Variants in ADGRE3 observed in about 807,000 individuals in gnomAD.
ADGRE3 encodes adhesion G protein-coupled receptor E3, also known as EGF-like module receptor 3.
A neutral mutation model predicts 80.1 loss-of-function variants in ADGRE3; 88 were observed. The ratio of observed to expected loss-of-function variants is 1.10; its 90% CI spans 0.93 to 1.31. The LOEUF is 1.31. ADGRE3 is among the 40% of genes most tolerant of loss of function. The pLI is 0.00. For synonymous variants in ADGRE3, 281 were observed against 294.8 expected (o/e 0.95, Z 0.48); for missense variants, 715 against 776.5 (o/e 0.92, Z 0.94).
At chr19:14,614,423 G>A (rs149738568), downstream of ADGRE3, among the ~76,000 whole-genome samples, 1 of 152,192 alleles carries the variant, frequency 6.6e-6, no homozygotes, top group African/African-American at 2.4e-5. Flanking sequence ...TATGAAAGAG[G>A]TCACTTTTTA....
In ADGRE3 at chr19:14,662,021, T is replaced by A. The variant is rs1214384388; in HGVS notation, c.297A>T (p.Gly99=). ...EGSFYCQCVP[G]YRLHSGNEQF... ...GTTCATTCCCAGAATGCAGTCTATA[T>A]CCTGGGACACATTGACAGTAGAAAC... Residue 99 remains glycine (G), a synonymous_variant, in exon 4 of 16, where the codon GGA becomes GGT. Coordinates refer to ENST00000253673, the MANE Select transcript of ADGRE3 (RefSeq NM_032571.5). 6.2e-7 allele frequency: 1 copy of A among 1,614,078 alleles called. No homozygotes were observed. Among genetic ancestry groups the A allele is most frequent in the African/African-American group, 1.3e-5 (1 of 74,948 alleles).
intron 15 of ADGRE3, among the ~76,000 whole-genome samples, chr19:14,619,846 G>A (rs75424221): frequency 0.099 from 15,093 of 152,140 alleles, 799 homozygotes; most frequent in African/African-American, 0.13. Flanking sequence ...CTCAACAAAT[G>A]TTCTCTTTGC....
intron 9 of ADGRE3, among the ~76,000 whole-genome samples, chr19:14,643,174 T>C (rs930333534): frequency 6.8e-6 from 1 of 146,012 alleles, no homozygotes; most frequent in Non-Finnish European, 1.5e-5. Flanking sequence ...TTAGACAGAG[T>C]CTCGCTCTGT....
At chr19:14,602,308 G>A in the ADGRE3 span, among the ~76,000 whole-genome samples, 4 of 151,726 alleles carry the variant, frequency 2.6e-5, no homozygotes, top group African/African-American at 9.7e-5. Context: ...TGTATTTTTG[G>A]AGACAGGGTC....
chr19:14,623,299 T>A (rs201478429), intron 15 of ADGRE3, among the ~76,000 whole-genome samples: 5,350 of 16,556 alleles, frequency 0.32, 1,795 homozygotes, highest in African/African-American at 0.53. Flanking sequence ...AAAAAAAAAA[T>A]AAAAAAAAAA....
At position 14,636,075 on chromosome 19, in the gene ADGRE3, C is replaced by CTTTCTTTCTTTCTTT. The variant is rs1267579172; in HGVS notation, c.1484+2029_1484+2030insAAAGAAAGAAAGAAA. Among the ~76,000 whole-genome samples the CTTTCTTTCTTTCTTT allele has an allele frequency of 3.4e-4, 24 of 70,660 alleles. 2 individuals carry two copies. The highest frequency in any genetic ancestry group is 1.1e-3 in the African/African-American group (19 of 17,738). The allele number at this position is 70,660 out of a possible 152,430, so 46.4% of individuals were successfully genotyped here. On this transcript the variant is annotated intron_variant, in intron 11 of 15. Coordinates refer to ENST00000253673, the MANE Select transcript of ADGRE3 (RefSeq NM_032571.5). ...TTCCTTCCTTCCTTTCCTTTCCTTT[C>CTTTCTTTCTTTCTTT]CTTTCCCTTTCTTTCTTTCTTTCTT...
At chr19:14,652,534 C>G (rs1001094096) in intron 6 of ADGRE3, among the ~76,000 whole-genome samples, 5 of 151,850 alleles carry the variant, frequency 3.3e-5, no homozygotes, top group African/African-American at 1.2e-4. Context: ...ATTCCCAGCA[C>G]TTTTGCAGGC....
chr19:14,652,713 G>T (rs575359186), intron 6 of ADGRE3, among the ~76,000 whole-genome samples: 1 of 150,180 alleles, frequency 6.7e-6, no homozygotes, highest in African/African-American at 2.4e-5. Context: ...AGGAGGCAGA[G>T]GTTGCAGTGA....
intron 11 of ADGRE3, among the ~76,000 whole-genome samples, chr19:14,636,640 C>T (rs934375194): frequency 3.9e-5 from 6 of 152,074 alleles, no homozygotes; most frequent in African/African-American, 1.2e-4. Flanking sequence ...GAAATGAAAA[C>T]AAGCCAAACT....
At chr19:14,634,933 C>T (rs553155646) in intron 11 of ADGRE3, among the ~76,000 whole-genome samples, 36 of 152,138 alleles carry the variant, frequency 2.4e-4, no homozygotes, top group African/African-American at 8.0e-4. Flanking sequence ...CTCTGATATA[C>T]GATCCAGACC....
chr19:14,660,444 T>G (rs754263675), intron 4 of ADGRE3, among the ~76,000 whole-genome samples: 1 of 151,892 alleles, frequency 6.6e-6, no homozygotes. Context: ...CTGGGCGACA[T>G]AGTGAGAACC....
In ADGRE3 at chr19:14,672,143, T is replaced by C. The variant is rs142747495; in HGVS notation, c.25+2603A>G. The stretch of plus-strand genomic sequence containing the variant: ...CCAACTGATAAACCATATGGCTGAA[T>C]AGTGTTACCCTGTTCCTAAAACTCA... On this transcript the variant is annotated intron_variant, in intron 1 of 15. Coordinates refer to ENST00000253673, the MANE Select transcript of ADGRE3 (RefSeq NM_032571.5). Among the ~76,000 whole-genome samples the C allele has an allele frequency of 8.3e-4, 127 of 152,306 alleles. 1 individual carries two copies. Among genetic ancestry groups the C allele is most frequent in the East Asian group, 5.0e-3 (26 of 5,186 alleles).
At chr19:14,674,363 G>A (rs1409185987) in intron 1 of ADGRE3, among the ~76,000 whole-genome samples, 4 of 152,042 alleles carry the variant, frequency 2.6e-5, no homozygotes, top group African/African-American at 7.2e-5. Context: ...CAGGTGTGGT[G>A]ATGTGTGCCT....
chr19:14,665,958 A>ATATATATATATATG (rs1972091106), intron 2 of ADGRE3, among the ~76,000 whole-genome samples: 1 of 123,754 alleles, frequency 8.1e-6, no homozygotes, highest in African/African-American at 2.8e-5. Flanking sequence ...ATATATATAT[A>ATATATATATATATG]TATATATATA....
Position 14,662,056 on chromosome 19 carries a change from C to T in ADGRE3, c.262G>A (p.Val88Ile), listed in dbSNP as rs745737541. Reference protein sequence around the residue: ...YCGFNAVCYNVEGSFYCQCVP... With the variant: ...YCGFNAVCYNIEGSFYCQCVP... ...CATTGACAGTAGAAACTTCCTTCGA[C>T]ATTGTAACACACAGCGTTAAATCCA... The change falls in exon 4 of 16, where the codon GTC becomes ATC. Residue 88 changes from valine (V) to isoleucine (I), a missense_variant. By Grantham distance (29) the Val-to-Ile change is conservative. Transcript: ENST00000253673. 6.2e-7 allele frequency: 1 copy of T among 1,614,092 alleles called. No homozygotes were observed. Among genetic ancestry groups the T allele is most frequent in the East Asian group, 2.2e-5 (1 of 44,882 alleles).
Position 14,619,235 on chromosome 19 carries a change from A to G in ADGRE3, c.*198T>C, listed in dbSNP as rs1307713958. ...GGGACAAGCATTGACTGAATACACC[A>G]TAGTGAAGAGAAATGCAATTTACCA... On this transcript the variant is annotated 3_prime_UTR_variant, in exon 16 of 16. Coordinates refer to ENST00000253673, the MANE Select transcript of ADGRE3 (RefSeq NM_032571.5). The G allele has an allele frequency of 6.7e-6, 4 of 600,092 alleles. No individual in the cohort carries two copies. The highest frequency in any genetic ancestry group is 6.2e-5 in the Admixed American group (2 of 32,046). 37.2% of individuals were successfully genotyped at this position (600,092 alleles called of 1,614,324 possible). A position where few individuals can be genotyped will look rare whatever the true frequency, so the allele number is the denominator to read the frequency against.
chr19:14,669,721 C>T (rs1972200602), intron 1 of ADGRE3, among the ~76,000 whole-genome samples: 1 of 152,060 alleles, frequency 6.6e-6, no homozygotes, highest in Non-Finnish European at 1.5e-5. Flanking sequence ...AACCCCTGAC[C>T]TCAAGTGATC....
At chr19:14,656,978 C>T (rs1211553947) in intron 5 of ADGRE3, among the ~76,000 whole-genome samples, 1 of 152,168 alleles carries the variant, frequency 6.6e-6, no homozygotes, top group Middle Eastern at 3.2e-3. Context: ...TCACTGCAAC[C>T]TCTGCCTCCT....
At chr19:14,661,871 C>G in intron 4 of ADGRE3, 92 bp downstream of exon 4, 1 of 1,380,714 alleles carries the variant, frequency 7.2e-7, no homozygotes, top group Non-Finnish European at 1.0e-6. Flanking sequence ...GGCTACAGAG[C>G]GAGACTCTGT....
Sources: gnomAD v4.1 joint callset for allele counts (sites outside exome capture counted in the v4.1 genomes callset) on GRCh38, gnomAD v4.1.1 for gene constraint, MANE v1.5 for transcripts, NCBI Gene and HGNC (gene_info 2026-07-23, HGNC 2026-07-21) for gene names.